The following REV1 variants were observed in gnomAD, a reference collection of about 807,000 sequenced individuals.
The protein encoded by REV1 is translesion synthesis protein REV1.
Under a neutral mutation model 137.4 loss-of-function variants are expected in REV1, and 42 were observed. The observed-to-expected ratio is 0.31, with a 90% CI of 0.24 to 0.40. The LOEUF is 0.40. REV1 is among the 10% of genes least tolerant of loss of function. The probability of loss-of-function intolerance (pLI) is 1.00; values close to 1 mark genes in which losing one functional copy is unlikely to be tolerated. For missense variants in REV1, 1,282 were observed against 1,490.1 expected, an observed-to-expected ratio of 0.86 and a Z score of 2.30; for synonymous variants, 524 against 519.2, an observed-to-expected ratio of 1.01 and a Z score of -0.12.
At chr2:99,443,226 A>G (rs970347972) in intron 4 of REV1, among the ~76,000 whole-genome samples, 2 of 152,232 alleles carry the variant, frequency 1.3e-5, no homozygotes, top group African/African-American at 4.8e-5. Flanking sequence ...TTATGCTATC[A>G]TCCAAATTTC....
intron 6 of REV1, 123 bp downstream of exon 6, chr2:99,438,478 G>T: frequency 1.5e-6 from 1 of 668,314 alleles, no homozygotes; most frequent in Non-Finnish European, 2.6e-6. Flanking sequence ...TAACTTACAT[G>T]ATTTGACATA....
chr2:99,428,683 A>T (rs1333492735), intron 9 of REV1, among the ~76,000 whole-genome samples: 1 of 152,156 alleles, frequency 6.6e-6, no homozygotes, highest in African/African-American at 2.4e-5. Flanking sequence ...AATAGCCACA[A>T]CTCTGAATCA....
intron 5 of REV1, among the ~76,000 whole-genome samples, chr2:99,442,028 T>C (rs955588780): frequency 2.0e-5 from 3 of 150,710 alleles, no homozygotes; most frequent in African/African-American, 4.9e-5. Flanking sequence ...CCAAGGAAGG[T>C]AGATCACAAG....
chr2:99,429,915 G>A lies in REV1; in HGVS notation c.1472C>T (p.Pro491Leu). Residue 491 changes from proline to leucine, a missense_variant, in exon 9 of 23, where the codon CCA (proline) becomes CTA (leucine). By Grantham distance (98) the Pro-to-Leu change is moderately conservative. Around this residue, in one of 7 missense-constraint regions of REV1, gnomAD observed 432 missense variants for 438.0 expected, o/e 0.99. Coordinates refer to ENST00000258428, the MANE Select transcript of REV1 (RefSeq NM_016316.4). ...AATTCCATTTGCTTGCGCAGAATCTGGATTCTCCCACAATGATGAATCTGG... is the reference window on the plus strand; with the variant it reads ...AATTCCATTTGCTTGCGCAGAATCTAGATTCTCCCACAATGATGAATCTGG... ...DIPDSSLWEN[P>L]DSAQANGIDS... 1 of 1,600,236 alleles carries A rather than the reference G, an allele frequency of 6.2e-7. No homozygotes were observed. Among genetic ancestry groups the A allele is most frequent in the Non-Finnish European group, 8.5e-7 (1 of 1,173,652 alleles).
intron 5 of REV1, 38 bp from the exon 6 acceptor site, chr2:99,439,348 A>G: frequency 7.0e-7 from 1 of 1,431,296 alleles, no homozygotes; most frequent in South Asian, 1.3e-5. Context: ...ATAATATCTG[A>G]CTTTTAGGTT....
chr2:99,454,207 C>A lies in REV1; in HGVS notation c.182-4703G>T, dbSNP rs1179415783. On this transcript the variant is annotated intron_variant, in intron 3 of 22. Coordinates refer to ENST00000258428, the MANE Select transcript of REV1 (RefSeq NM_016316.4). ...GAGTTTGAGACCAACCTAGGCAACA[C>A]AGCAAGATCCGTCTTTTAAAAAAAA... Among the ~76,000 whole-genome samples the A allele has an allele frequency of 3.3e-5, 5 of 150,994 alleles. No individual in the cohort carries two copies. The East Asian group carries it at 9.9e-4, about 30-fold the overall frequency.
At chr2:99,424,126 C>T (rs1390227128) in intron 10 of REV1, 26 bp downstream of exon 10, 6 of 1,605,882 alleles carry the variant, frequency 3.7e-6, no homozygotes, top group South Asian at 3.4e-5. Flanking sequence ...AACACAGACA[C>T]AAAATGACAG....
chr2:99,402,353 A>G lies in REV1; in HGVS notation c.3542-7T>C. The G allele has an allele frequency of 7.1e-7, 1 of 1,399,472 alleles. No individual in the cohort carries two copies. Among genetic ancestry groups the G allele is most frequent in the Middle Eastern group, 1.8e-4 (1 of 5,682 alleles). The allele number at this position is 1,399,472 out of a possible 1,614,324, so 86.7% of individuals were successfully genotyped here. On this transcript the variant is annotated splice_polypyrimidine_tract_variant and splice_region_variant and intron_variant, in intron 21 of 22. Coordinates refer to ENST00000258428, the MANE Select transcript of REV1 (RefSeq NM_016316.4). ...ATGTCTTCTTCCATTGGATCTAGGA[A>G]GGGGGAAAAACTTCAAATGAGGACC...
chr2:99,414,196 A>G (rs529774259), intron 12 of REV1, among the ~76,000 whole-genome samples: 90 of 152,290 alleles, frequency 5.9e-4, no homozygotes, highest in Non-Finnish European at 9.6e-4. Context: ...ACTTCTGTTC[A>G]TAGCTCCCAT....
intron 3 of REV1, among the ~76,000 whole-genome samples, chr2:99,459,573 G>A (rs1256493737): frequency 6.6e-6 from 1 of 152,022 alleles, no homozygotes; most frequent in African/African-American, 2.4e-5. Context: ...GGACATGGTG[G>A]TACACACTTG....
intron 6 of REV1, among the ~76,000 whole-genome samples, chr2:99,437,145 A>C (rs748172108): frequency 1.3e-5 from 2 of 151,282 alleles, no homozygotes; most frequent in Non-Finnish European, 2.9e-5. Context: ...ACGCCCAGCT[A>C]ATTTTTTTTT....
chr2:99,403,600 T>G (rs1290894918), intron 19 of REV1, 95 bp downstream of exon 19: 3 of 1,524,116 alleles, frequency 2.0e-6, no homozygotes, highest in Non-Finnish European at 2.7e-6. Context: ...ATGCAACAGC[T>G]TAGACTTTGC....
chr2:99,412,827 A>G lies in REV1; in HGVS notation c.2076T>C (p.Tyr692=). The change falls in exon 13 of 23, where the codon TAT becomes TAC. Residue 692 remains tyrosine (Y), a synonymous_variant. Coordinates refer to ENST00000258428, the MANE Select transcript of REV1 (RefSeq NM_016316.4). The stretch of plus-strand genomic sequence containing the variant: ...TATCATCCAAGCCACGGCAGAACCT[A>G]TAAAGCATCTGACCTGTTTTGGGAC... ...EFGPKTGQML[Y]RFCRGLDDRP... 3 of 1,614,158 alleles carry G rather than the reference A, an allele frequency of 1.9e-6. No individual in the cohort carries two copies. Among genetic ancestry groups the G allele is most frequent in the Non-Finnish European group, 2.5e-6 (3 of 1,179,992 alleles).
intron 5 of REV1, 52 bp downstream of exon 5, chr2:99,442,265 A>AC (rs1681599780): frequency 2.9e-6 from 4 of 1,382,018 alleles, no homozygotes; most frequent in South Asian, 1.5e-5. Flanking sequence ...AAAAAAAAAA[A>AC]AAAAAAAAAA....
intron 1 of REV1, among the ~76,000 whole-genome samples, chr2:99,489,284 G>A (rs145047138): frequency 0.027 from 4,091 of 152,294 alleles, 104 homozygotes; most frequent in Non-Finnish European, 0.038. Context: ...TCGAAGGCGG[G>A]GTGCGGAAAA....
chr2:99,405,463 T>C (rs1676151487), intron 17 of REV1: 1 of 153,648 alleles, frequency 6.5e-6, no homozygotes, highest in African/African-American at 2.4e-5. Context: ...TACCTTACTT[T>C]CAAGGACCAG....
rs28369933 is a variant in REV1 at position 99,469,968 on chromosome 2, A to G, written c.-10-4983T>C. 3.9e-5 allele frequency among the ~76,000 whole-genome samples: 6 copies of G among 152,126 alleles called. No individual in the cohort carries two copies. In the East Asian group the frequency reaches 1.2e-3, roughly 29 times the overall value. On this transcript the variant is annotated intron_variant, in intron 1 of 22. Transcript: ENST00000258428. ...AACCCCGTCTCTACTAAAAATACAA[A>G]AAATTAGCCGGGCATGGTGGCGGTC...
chr2:99,454,257 C>CAA (rs1399387295), intron 3 of REV1, among the ~76,000 whole-genome samples: 2 of 151,684 alleles, frequency 1.3e-5, no homozygotes, highest in Non-Finnish European at 2.9e-5. Flanking sequence ...AAAACAAAAA[C>CAA]AAACAGAAAA....
chr2:99,403,340 G>A (rs999803685), intron 19 of REV1: 1 of 574,940 alleles, frequency 1.7e-6, no homozygotes, highest in Non-Finnish European at 3.1e-6. Flanking sequence ...ATCTATGATG[G>A]GTAGTACTAA....
Sources: gnomAD v4.1 joint callset for allele counts (sites outside exome capture counted in the v4.1 genomes callset) on GRCh38, gnomAD v4.1.1 for gene constraint, gnomAD v4.1.1 regional missense constraint, MANE v1.5 for transcripts, NCBI Gene and HGNC (gene_info 2026-07-23, HGNC 2026-07-21) for gene names.